The following GARIN1B variants were observed in gnomAD, a reference collection of about 807,000 sequenced individuals.
The protein encoded by GARIN1B is Golgi-associated RAB2 interactor protein 1B.
chr7:128,727,868 G>C, the GARIN1B span, among the ~76,000 whole-genome samples: 1 of 151,984 alleles, frequency 6.6e-6, no homozygotes, highest in South Asian at 2.1e-4. Flanking sequence ...TTATTCCCTA[G>C]TTGTTTTATA....
At chr7:128,719,274 AT>A in the GARIN1B span, among the ~76,000 whole-genome samples, 1 of 151,724 alleles carries the variant, frequency 6.6e-6, no homozygotes, top group Non-Finnish European at 1.5e-5. Flanking sequence ...GTTTTGTTTT[AT>A]ATATATTTTA....
the GARIN1B span, chr7:128,718,711 C>T: frequency 7.8e-7 from 1 of 1,283,764 alleles, no homozygotes; most frequent in Non-Finnish European, 1.1e-6. Flanking sequence ...TGTGCTAAAG[C>T]ACCCTCTTTT....
At chr7:128,727,385 A>G in the GARIN1B span, among the ~76,000 whole-genome samples, 1 of 152,224 alleles carries the variant, frequency 6.6e-6, no homozygotes, top group Non-Finnish European at 1.5e-5. Flanking sequence ...GGGGTCCCTC[A>G]TTCCTGCCAG....
At chr7:128,728,258 A>G in the GARIN1B span, among the ~76,000 whole-genome samples, 1 of 152,190 alleles carries the variant, frequency 6.6e-6, no homozygotes, top group South Asian at 2.1e-4. Flanking sequence ...CCTAGCCAAC[A>G]TGGTGAAACC....
At chr7:128,712,972 A>C in the GARIN1B span, among the ~76,000 whole-genome samples, 1 of 152,174 alleles carries the variant, frequency 6.6e-6, no homozygotes, top group Non-Finnish European at 1.5e-5. Flanking sequence ...TTCTTACAGG[A>C]GACCTGTGCC....
At chr7:128,722,937 T>C in the GARIN1B span, among the ~76,000 whole-genome samples, 3 of 152,204 alleles carry the variant, frequency 2.0e-5, no homozygotes, top group Non-Finnish European at 4.4e-5. Context: ...TAAGGTATAT[T>C]AATAGGAATA....
chr7:128,719,127 C>A, the GARIN1B span: 2 of 1,593,210 alleles, frequency 1.3e-6, no homozygotes, highest in Admixed American at 1.7e-5. Flanking sequence ...GCCAAAGCAG[C>A]AAGGTAGAGC....
the GARIN1B span, chr7:128,729,917 G>T: frequency 1.5e-5 from 24 of 1,613,706 alleles, no homozygotes; most frequent in Non-Finnish European, 2.0e-5. Flanking sequence ...GATTCTTCCC[G>T]TGAAGACAGC....
chr7:128,726,338 G>C, the GARIN1B span, among the ~76,000 whole-genome samples: 1 of 152,174 alleles, frequency 6.6e-6, no homozygotes, highest in African/African-American at 2.4e-5. Context: ...AGGGGAGGAA[G>C]GGATTAGTTT....
At chr7:128,716,734 C>T in the GARIN1B span, 5 of 1,205,030 alleles carry the variant, frequency 4.1e-6, no homozygotes, top group East Asian at 2.5e-5. Context: ...TTAATAGTGT[C>T]GAGGTTGAGA....
chr7:128,716,608 C>G, the GARIN1B span, among the ~76,000 whole-genome samples: 1 of 151,764 alleles, frequency 6.6e-6, no homozygotes. Context: ...TTTATTGTCA[C>G]GATTTGGCTG....
the GARIN1B span, chr7:128,718,698 C>T: frequency 9.1e-7 from 1 of 1,102,592 alleles, no homozygotes; most frequent in Non-Finnish European, 1.3e-6. Flanking sequence ...AATTGAGCAG[C>T]ACTGTGCTAA....
At chr7:128,722,916 A>C in the GARIN1B span, among the ~76,000 whole-genome samples, 1 of 152,224 alleles carries the variant, frequency 6.6e-6, no homozygotes, top group Non-Finnish European at 1.5e-5. Context: ...TAGGCTATTC[A>C]TACATTATAT....
the GARIN1B span, among the ~76,000 whole-genome samples, chr7:128,716,356 G>A: frequency 1.4e-4 from 21 of 152,222 alleles, 2 homozygotes; most frequent in African/African-American, 5.1e-4. Context: ...AGGGCACCTC[G>A]GGGAAGGACC....
the GARIN1B span, chr7:128,719,035 G>A: frequency 3.8e-5 from 62 of 1,613,880 alleles, no homozygotes; most frequent in Middle Eastern, 1.6e-4. Context: ...TTCTTGTCAC[G>A]CACTGCCTGG....
chr7:128,711,936 G>A, the GARIN1B span, among the ~76,000 whole-genome samples: 11 of 152,192 alleles, frequency 7.2e-5, no homozygotes, highest in Middle Eastern at 3.2e-3. Flanking sequence ...AGCTACTCGG[G>A]AGGCTGAGGC....
the GARIN1B span, chr7:128,730,101 T>C: frequency 6.3e-7 from 1 of 1,599,500 alleles, no homozygotes; most frequent in South Asian, 1.1e-5. Context: ...CCTGCCATTG[T>C]GGGGCAGCCC....
At chr7:128,730,414 G>A in the GARIN1B span, among the ~76,000 whole-genome samples, 1 of 151,974 alleles carries the variant, frequency 6.6e-6, no homozygotes, top group Admixed American at 6.5e-5. Context: ...TACTGCTTGG[G>A]TTGGGATGCA....
chr7:128,726,354 T>C, the GARIN1B span, among the ~76,000 whole-genome samples: 1 of 152,206 alleles, frequency 6.6e-6, no homozygotes, highest in Non-Finnish European at 1.5e-5. Flanking sequence ...AGTTTTTGCT[T>C]CATTGCTATC....
Sources: allele counts gnomAD v4.1 joint callset (sites outside exome capture counted in the v4.1 genomes callset), GRCh38; gene constraint gnomAD v4.1.1; transcripts MANE v1.5; gene names NCBI Gene and HGNC (gene_info 2026-07-23, HGNC 2026-07-21).